The following ASF1A variants were observed in gnomAD, a reference collection of about 807,000 sequenced individuals.
The protein encoded by ASF1A is histone chaperone ASF1A.
ASF1A carries 5 observed loss-of-function variants against 22.0 expected under a neutral mutation model. The ratio of observed to expected loss-of-function variants is 0.23; its 90% CI spans 0.12 to 0.48. The LOEUF is 0.48. ASF1A is among the 20% of genes least tolerant of loss of function. The pLI is 0.99. For synonymous variants in ASF1A, 97 were observed against 86.7 expected (o/e 1.12, Z -0.66); for missense variants, 137 against 240.6 (o/e 0.57, Z 2.85).
chr6:118,895,823 C>T (rs949388649), intron 1 of ASF1A, among the ~76,000 whole-genome samples: 1 of 152,004 alleles, frequency 6.6e-6, no homozygotes, highest in African/African-American at 2.4e-5. Flanking sequence ...TTTAGGTAAT[C>T]GTGGCATGTA....
rs747582832 is a variant in ASF1A at position 118,894,538 on chromosome 6, G to C, written c.109+16G>C. 15 of 1,528,944 alleles carry C rather than the reference G, an allele frequency of 9.8e-6. No individual in the cohort carries two copies. The highest frequency in any genetic ancestry group is 1.3e-5 in the Non-Finnish European group (15 of 1,139,500). 94.7% of individuals were successfully genotyped at this position (1,528,944 alleles called of 1,614,324 possible). A position where few individuals can be genotyped will look rare whatever the true frequency, so the allele number is the denominator to read the frequency against. ...CTGTCTGAAGGTGAGTGCGGCGCCC[G>C]TGCGCCCGGGCTGTCAGTTGCGGGC... is the stretch of plus-strand genomic sequence containing the variant. On this transcript the variant is annotated intron_variant, in intron 1 of 3. Transcript: ENST00000229595.
At chr6:118,896,205 A>G (rs1222929557) in intron 1 of ASF1A, among the ~76,000 whole-genome samples, 1 of 152,136 alleles carries the variant, frequency 6.6e-6, no homozygotes, top group Non-Finnish European at 1.5e-5. Flanking sequence ...CTCTCCTATG[A>G]TACTACTATT....
intron 2 of ASF1A, 72 bp from the exon 3 acceptor site, chr6:118,905,580 G>A: frequency 7.7e-7 from 1 of 1,291,678 alleles, no homozygotes; most frequent in South Asian, 1.6e-5. Flanking sequence ...CTAGGTAACT[G>A]AAACTCCAGT....
intron 1 of ASF1A, among the ~76,000 whole-genome samples, chr6:118,894,787 G>A (rs1779238858): frequency 6.6e-6 from 1 of 152,228 alleles, no homozygotes; most frequent in African/African-American, 2.4e-5. Flanking sequence ...CTTTGTCTGC[G>A]GGCGGGCAGC....
intron 1 of ASF1A, among the ~76,000 whole-genome samples, chr6:118,900,306 C>T (rs1467522138): frequency 1.3e-5 from 2 of 152,092 alleles, no homozygotes; most frequent in African/African-American, 2.4e-5. Context: ...ATCTCTGCAG[C>T]GTAGTATAGG....
At chr6:118,896,036 C>T (rs894474615) in intron 1 of ASF1A, among the ~76,000 whole-genome samples, 2 of 141,910 alleles carry the variant, frequency 1.4e-5, no homozygotes, top group South Asian at 2.3e-4. Flanking sequence ...TTAACATGTG[C>T]CCCCGTTTTT....
chr6:118,896,507 C>T (rs2114495972), intron 1 of ASF1A, among the ~76,000 whole-genome samples: 1 of 152,236 alleles, frequency 6.6e-6, no homozygotes, highest in Middle Eastern at 3.4e-3. Context: ...AAAGCCAAAA[C>T]GTTCCATTTT....
chr6:118,907,359 C>G (rs1279197690), intron 3 of ASF1A, 43 bp from the exon 4 acceptor site: 1 of 1,392,410 alleles, frequency 7.2e-7, no homozygotes, highest in Admixed American at 2.0e-5. Flanking sequence ...GGTGATTTAA[C>G]TTTCTTAGTG....
At chr6:118,896,991 A>G (rs1321984697) in intron 1 of ASF1A, among the ~76,000 whole-genome samples, 1 of 151,992 alleles carries the variant, frequency 6.6e-6, no homozygotes, top group Non-Finnish European at 1.5e-5. Flanking sequence ...TCGATGTGCC[A>G]CCACATTGGG....
intron 1 of ASF1A, among the ~76,000 whole-genome samples, chr6:118,895,744 T>TA (rs1364458898): frequency 6.6e-6 from 1 of 152,210 alleles, no homozygotes; most frequent in African/African-American, 2.4e-5. Flanking sequence ...GAAGGGGAAA[T>TA]AGTTTAACTT....
At chr6:118,898,218 A>T (rs1454291207) in intron 1 of ASF1A, among the ~76,000 whole-genome samples, 2 of 152,170 alleles carry the variant, frequency 1.3e-5, no homozygotes, top group Admixed American at 1.3e-4. Context: ...GATCTACATG[A>T]TGAAGCTGTT....
chr6:118,894,428 G>A lies in ASF1A; in HGVS notation c.15G>A (p.Gln5=), dbSNP rs1779201575. ...TTTTTCAAAATATGGCAAAGGTTCAGGTGAACAATGTAGTGGTGCTGGATA... is the reference window on the plus strand; with the variant it reads ...TTTTTCAAAATATGGCAAAGGTTCAAGTGAACAATGTAGTGGTGCTGGATA... MAKV[Q]VNNVVVLDNP... Residue 5 remains glutamine, a synonymous_variant, in exon 1 of 4, where the codon CAG becomes CAA. Coordinates refer to ENST00000229595, the MANE Select transcript of ASF1A (RefSeq NM_014034.3). The A allele has an allele frequency of 6.5e-7, 1 of 1,536,974 alleles. No individual in the cohort carries two copies. The highest frequency in any genetic ancestry group is 1.2e-5 in the South Asian group (1 of 84,060).
rs1198744737 is a variant in ASF1A at position 118,894,461 on chromosome 6, T to G, written c.48T>G (p.Ser16=). 1 of 1,537,134 alleles carries G rather than the reference T, an allele frequency of 6.5e-7. No homozygotes were observed. The highest frequency in any genetic ancestry group is 1.2e-5 in the South Asian group (1 of 84,064). The change falls in exon 1 of 4, where the codon TCT becomes TCG. Residue 16 remains serine, a synonymous_variant. Transcript: ENST00000229595. The part of the protein sequence containing the change: ...VNNVVVLDNP[S]PFYNPFQFEI... Reference sequence around the variant, plus strand: ...ATGTAGTGGTGCTGGATAACCCTTCTCCTTTCTACAACCCGTTCCAGTTCG... The same window carrying G: ...ATGTAGTGGTGCTGGATAACCCTTCGCCTTTCTACAACCCGTTCCAGTTCG...
chr6:118,899,771 A>G (rs543419556), intron 1 of ASF1A, among the ~76,000 whole-genome samples: 1 of 152,238 alleles, frequency 6.6e-6, no homozygotes, highest in Non-Finnish European at 1.5e-5. Context: ...ATGGCCACAC[A>G]TGGTGGCACT....
At chr6:118,898,644 C>T (rs1373940576) in intron 1 of ASF1A, among the ~76,000 whole-genome samples, 6 of 152,108 alleles carry the variant, frequency 3.9e-5, no homozygotes, top group African/African-American at 1.2e-4. Flanking sequence ...TCTCGAACTC[C>T]TGACCTCAAG....
chr6:118,895,255 C>T (rs1482880710), intron 1 of ASF1A, among the ~76,000 whole-genome samples: 1 of 152,008 alleles, frequency 6.6e-6, no homozygotes, highest in African/African-American at 2.4e-5. Flanking sequence ...GGCCGGTCCT[C>T]CTCGGCCGGC....
At chr6:118,894,547 G>T (rs1197463822) in intron 1 of ASF1A, 25 bp downstream of exon 1, 1 of 1,518,428 alleles carries the variant, frequency 6.6e-7, no homozygotes, top group African/African-American at 1.4e-5. Context: ...CGTGCGCCCG[G>T]GCTGTCAGTT....
In ASF1A at chr6:118,908,439, A is replaced by T. The variant is rs1335815384; in HGVS notation, c.*825A>T. 1 of 152,146 alleles carries T rather than the reference A, an allele frequency of 6.6e-6. No homozygotes were observed. The highest frequency in any genetic ancestry group is 1.5e-5 in the Non-Finnish European group (1 of 67,988). 9.4% of individuals were successfully genotyped at this position (152,146 alleles called of 1,614,324 possible). ...TCATTTGATTTCTAAAAATACCATG[A>T]CCTTTAAAAATTCTTTTAATAGATC... is the stretch of plus-strand genomic sequence containing the variant. On this transcript the variant is annotated 3_prime_UTR_variant, in exon 4 of 4. Coordinates refer to ENST00000229595, the MANE Select transcript of ASF1A (RefSeq NM_014034.3).
chr6:118,907,300 C>T, intron 3 of ASF1A, 102 bp from the exon 4 acceptor site: 1 of 761,420 alleles, frequency 1.3e-6, no homozygotes, highest in Non-Finnish European at 2.2e-6. Context: ...GAACTTAGCC[C>T]TTTAGGAGTA....
Sources: allele counts gnomAD v4.1 joint callset (sites outside exome capture counted in the v4.1 genomes callset), GRCh38; gene constraint gnomAD v4.1.1; transcripts MANE v1.5; gene names NCBI Gene and HGNC (gene_info 2026-07-23, HGNC 2026-07-21).